The following VWF variants were observed in gnomAD, a reference collection of about 807,000 sequenced individuals.
The protein encoded by VWF is Factor VIII related antigen.
In VWF, 176 loss-of-function variants were observed where a neutral mutation model predicts 308.6. The ratio of observed to expected loss-of-function variants is 0.57; its 90% CI spans 0.50 to 0.65. The LOEUF (loss-of-function observed/expected upper bound fraction) is 0.65. Among genes scored for constraint, VWF ranks in the 30% least tolerant of loss-of-function variants. The probability of loss-of-function intolerance (pLI) is 0.00; values close to 1 mark genes in which losing one functional copy is unlikely to be tolerated. For synonymous variants in VWF, 1,385 were observed against 1,443.4 expected (o/e 0.96, Z 0.92); for missense variants, 3,146 against 3,648.2 (o/e 0.86, Z 3.55).
intron 38 of VWF, among the ~76,000 whole-genome samples, chr12:5,991,429 G>T (rs216895): frequency 0.52 from 79,122 of 151,838 alleles, 20,956 homozygotes; most frequent in East Asian, 0.75. Context: ...GAATATATTG[G>T]GTTTAGCACA....
intron 20 of VWF, among the ~76,000 whole-genome samples, chr12:6,033,407 G>T (rs1944294398): frequency 6.6e-6 from 1 of 152,220 alleles, no homozygotes; most frequent in South Asian, 2.1e-4. Flanking sequence ...GGGAAAGCTG[G>T]CCTGGGCAGG....
intron 50 of VWF, 53 bp downstream of exon 50, chr12:5,951,791 C>T (rs1943193488): frequency 6.2e-7 from 1 of 1,600,846 alleles, no homozygotes; most frequent in East Asian, 2.2e-5. Flanking sequence ...GCAAAGAGCC[C>T]CTGGACTTGC....
rs530479450 is a variant in VWF, at chr12:6,060,423, A to G, written c.1534-2379T>C. ...CCTCCTCTTGCACCGCCTCTGCCCC[A>G]GCTGGCCTCCCTCCAGCTCTCGCCT... is the stretch of plus-strand genomic sequence containing the variant. On this transcript the variant is annotated intron_variant, in intron 13 of 51. Coordinates refer to ENST00000261405, the MANE Select transcript of VWF (RefSeq NM_000552.5). This position sits in a 1 kb window ranked among gnomAD's most constrained non-coding sequence, Gnocchi z 5.1. Among the ~76,000 whole-genome samples the G allele has an allele frequency of 2.0e-5, 3 of 151,998 alleles. No homozygotes were observed. The East Asian group carries it at 5.9e-4, about 30-fold the overall frequency.
rs554611197 is a variant in VWF at position 6,079,556 on chromosome 12, G to A, written c.658-4005C>T. On this transcript the variant is annotated intron_variant, in intron 6 of 51. Coordinates refer to ENST00000261405, the MANE Select transcript of VWF (RefSeq NM_000552.5). ...AGCCGGGAGGCAACGCTTGCAGTGAGCTGAGATCGCACCACTGCACTCTAG... is the reference window on the plus strand; with the variant it reads ...AGCCGGGAGGCAACGCTTGCAGTGAACTGAGATCGCACCACTGCACTCTAG... Among the ~76,000 whole-genome samples the A allele has an allele frequency of 2.4e-3, 359 of 151,830 alleles. 2 individuals carry two copies. The highest frequency in any genetic ancestry group is 4.1e-3 in the Non-Finnish European group (277 of 67,956).
chr12:6,095,361 T>C, intron 6 of VWF, 99 bp downstream of exon 6: 1 of 1,584,900 alleles, frequency 6.3e-7, no homozygotes. Flanking sequence ...CGTAAGTCCA[T>C]TCCTCCCCCA....
intron 10 of VWF, among the ~76,000 whole-genome samples, chr12:6,069,626 C>T (rs1375701814): frequency 1.3e-5 from 2 of 152,114 alleles, no homozygotes; most frequent in Non-Finnish European, 2.9e-5. Context: ...GACCGGGAGG[C>T]GATGATCAAC....
At position 6,019,409 on chromosome 12, in the gene VWF, G is replaced by T. The variant is rs1287608430; in HGVS notation, c.4009C>A (p.Pro1337Thr). Residue 1337 changes from proline (P) to threonine (T), a missense_variant, in exon 28 of 52, where the codon CCG becomes ACG. Around this residue, in one of 3 missense-constraint regions of VWF, gnomAD observed 853 missense variants for 1,177.8 expected, o/e 0.72. Coordinates refer to ENST00000261405, the MANE Select transcript of VWF (RefSeq NM_000552.5). This position sits in a 1 kb window ranked among gnomAD's most constrained non-coding sequence, Gnocchi z 5.8. ...CTGGCAATGCGCCGCAGCTCTGACG[G>T]TCGCTTCCGGTCCTTGAGCCCGATG... ...AYIGLKDRKR[P>T]SELRRIASQV... 1 of 1,613,940 alleles carries T rather than the reference G, an allele frequency of 6.2e-7. No homozygotes were observed.
At chr12:6,057,480 T>TTTATTTATTATTATTATTATTA in intron 14 of VWF, among the ~76,000 whole-genome samples, 1 of 129,562 alleles carries the variant, frequency 7.7e-6, no homozygotes, top group African/African-American at 2.9e-5. Context: ...GCCCGGCAAA[T>TTTATTTATTATTATTATTATTA]TTATTATTAT....
At chr12:6,050,955 CAA>C (rs375016497) in intron 16 of VWF, among the ~76,000 whole-genome samples, 8 of 132,238 alleles carry the variant, frequency 6.0e-5, no homozygotes, top group East Asian at 2.3e-4. Flanking sequence ...AATTCAGTCT[CAA>C]AAAAAAAAAA....
chr12:6,068,943 A>G (rs113019004), intron 10 of VWF, among the ~76,000 whole-genome samples: 7,588 of 148,762 alleles, frequency 0.051, 634 homozygotes, highest in African/African-American at 0.17. Context: ...TGCAGCCTTA[A>G]TCTCCCAGGC....
In VWF at chr12:6,016,240, TG is replaced by T. The variant is rs750910232; in HGVS notation, c.5312-9del. The T allele has an allele frequency of 6.2e-6, 10 of 1,614,074 alleles. No individual in the cohort carries two copies. In the African/African-American group the frequency reaches 1.2e-4, roughly 19 times the overall value. On this transcript the variant is annotated splice_polypyrimidine_tract_variant and intron_variant, in intron 30 of 51. Coordinates refer to ENST00000261405, the MANE Select transcript of VWF (RefSeq NM_000552.5). ...CAAAGCCCAAGGCATCCCCTGAGGA[TG>T]GAGAACAGATCACGCCAAGTCAGTA...
In VWF at chr12:6,016,175, G is replaced by A. The variant is rs551649729; in HGVS notation, c.5369C>T (p.Pro1790Leu). The A allele has an allele frequency of 1.1e-5, 18 of 1,614,104 alleles. No homozygotes were observed. The highest frequency in any genetic ancestry group is 5.3e-5 in the African/African-American group (4 of 74,988). ...YLTSEMHGARPGASKAVVILV... is the reference protein window; with the variant it reads ...YLTSEMHGARLGASKAVVILV... The stretch of plus-strand genomic sequence containing the variant: ...GATGACCACCGCCTTTGAGGCTCCC[G>A]GCCTGGCACCATGCATTTCTGAAGT... Residue 1790 changes from proline (P) to leucine (L), a missense_variant, in exon 31 of 52, where the codon CCG (proline) becomes CTG (leucine). Coordinates refer to ENST00000261405, the MANE Select transcript of VWF (RefSeq NM_000552.5).
intron 21 of VWF, 67 bp from the exon 22 acceptor site, chr12:6,029,555 C>T: frequency 6.3e-7 from 1 of 1,594,038 alleles, no homozygotes; most frequent in Non-Finnish European, 8.6e-7. Context: ...ATCCTCCCTC[C>T]ACTCTACACC....
chr12:6,011,920 A>G (rs1351855951), intron 33 of VWF, 126 bp from the exon 34 acceptor site: 4 of 1,212,512 alleles, frequency 3.3e-6, no homozygotes, highest in Non-Finnish European at 4.9e-6. Flanking sequence ...CCCCCTGTAC[A>G]TGAGACAGGA....
At chr12:6,053,115 G>A (rs1056951662) in intron 15 of VWF, among the ~76,000 whole-genome samples, 1 of 152,150 alleles carries the variant, frequency 6.6e-6, no homozygotes, top group Admixed American at 6.5e-5. Context: ...CAGGGAATGT[G>A]CATTAGTCAT....
At position 6,073,676 on chromosome 12, in the gene VWF, T is replaced by C. The variant is rs1433657148; in HGVS notation, c.940A>G (p.Ser314Gly). ...TGACACATTTCATTGATGTGCAGGC[T>C]CTGGCAGGTCCTGGCGCAAGGGGAC... ...CVSPCARTCQSLHINEMCQER... is the reference protein window; with the variant it reads ...CVSPCARTCQGLHINEMCQER... Residue 314 changes from serine to glycine, a missense_variant, in exon 8 of 52, where the codon AGC becomes GGC. Transcript: ENST00000261405. 6.2e-7 allele frequency: 1 copy of C among 1,614,106 alleles called. No individual in the cohort carries two copies.
intron 47 of VWF, among the ~76,000 whole-genome samples, 165 bp downstream of exon 47, chr12:5,967,321 A>T (rs1943413832): frequency 6.6e-6 from 1 of 152,230 alleles, no homozygotes; most frequent in Non-Finnish European, 1.5e-5. Flanking sequence ...TGAGGCATGC[A>T]GTTTGGGTGG....
chr12:6,095,714 C>T, intron 5 of VWF, 130 bp from the exon 6 acceptor site: 1 of 1,357,238 alleles, frequency 7.4e-7, no homozygotes, highest in South Asian at 1.2e-5. Flanking sequence ...CAGGGTCTGG[C>T]TATGTTTCCC....
intron 6 of VWF, among the ~76,000 whole-genome samples, chr12:6,077,268 T>C (rs1944855024): frequency 6.6e-6 from 1 of 152,156 alleles, no homozygotes; most frequent in South Asian, 2.1e-4. Context: ...TGAGCTGAGA[T>C]TGTGCCACTG....
Sources: gnomAD v4.1 joint callset for allele counts (sites outside exome capture counted in the v4.1 genomes callset) on GRCh38, gnomAD v4.1.1 for gene constraint, gnomAD v4.1.1 regional missense constraint, Gnocchi (gnomAD v3.1) non-coding constraint, MANE v1.5 for transcripts, NCBI Gene and HGNC (gene_info 2026-07-23, HGNC 2026-07-21) for gene names.